CSMD1: variants seen among roughly 807,000 people sequenced by gnomAD.
CSMD1 encodes CUB and Sushi multiple domains 1, also known as CUB and sushi domain-containing protein 1.
CSMD1 carries 213 observed loss-of-function variants against 417.5 expected under a neutral mutation model. That is an observed-to-expected ratio of 0.51 (90% CI 0.46 to 0.57). The LOEUF (loss-of-function observed/expected upper bound fraction) is 0.57, where lower values mean the gene tolerates loss of function less well. CSMD1 is among the 20% of genes least tolerant of loss of function. The pLI, the probability that CSMD1 is intolerant of heterozygous loss-of-function variation, is 0.00. For synonymous variants in CSMD1, 2,862 were observed against 1,736.8 expected, an observed-to-expected ratio of 1.65 and a Z score of -16.11; for missense variants, 6,923 against 4,529.7, an observed-to-expected ratio of 1.53 and a Z score of -15.17.
In CSMD1 at chr8:3,261,397, C is replaced by T. The variant is rs190216768; in HGVS notation, c.4153+22747G>A. Among the ~76,000 whole-genome samples the T allele has an allele frequency of 2.1e-3, 315 of 152,278 alleles. 6 individuals are homozygous for T. Among genetic ancestry groups the T allele is most frequent in the Admixed American group, 0.019 (284 of 15,290 alleles). On this transcript the variant is annotated intron_variant, in intron 26 of 69. Coordinates refer to ENST00000635120, the MANE Select transcript of CSMD1 (RefSeq NM_033225.6). ...ACTTACGTTCCCATGATAAAGATAA[C>T]AAATATGGTGCAGTATATACGGCTT...
chr8:4,563,790 C>G (rs1285470768), intron 2 of CSMD1, among the ~76,000 whole-genome samples: 1 of 152,136 alleles, frequency 6.6e-6, no homozygotes, highest in Non-Finnish European at 1.5e-5. Context: ...CTAAATGTTT[C>G]TGTCCCCAAT....
At chr8:4,088,062 T>C (rs1380784758) in intron 3 of CSMD1, among the ~76,000 whole-genome samples, 2 of 152,088 alleles carry the variant, frequency 1.3e-5, no homozygotes, top group Non-Finnish European at 2.9e-5. Flanking sequence ...CCTTTGACAA[T>C]CACAGTAACA....
chr8:4,185,505 C>A (rs888358994), intron 3 of CSMD1, among the ~76,000 whole-genome samples: 4 of 152,092 alleles, frequency 2.6e-5, no homozygotes, highest in African/African-American at 7.2e-5. Context: ...TCCGAAAACA[C>A]TATTCTGCTA....
chr8:4,161,337 T>A (rs563004920), intron 3 of CSMD1, among the ~76,000 whole-genome samples: 2 of 152,188 alleles, frequency 1.3e-5, no homozygotes, highest in Admixed American at 6.5e-5. Context: ...AGGGCTAAAA[T>A]CCCGGTCTCT....
chr8:3,675,959 C>T (rs990569231), intron 7 of CSMD1, among the ~76,000 whole-genome samples: 3 of 152,096 alleles, frequency 2.0e-5, no homozygotes, highest in Non-Finnish European at 2.9e-5. Context: ...TTTTCTCAGC[C>T]CAGGCCTGCC....
At chr8:4,834,888 C>T (rs1451359301) in intron 1 of CSMD1, among the ~76,000 whole-genome samples, 1 of 131,244 alleles carries the variant, frequency 7.6e-6, no homozygotes, top group African/African-American at 2.9e-5. Context: ...ACCCGGGAGG[C>T]GGAGCTTGCA....
At chr8:4,454,235 C>T (rs970097687) in intron 2 of CSMD1, among the ~76,000 whole-genome samples, 4 of 152,144 alleles carry the variant, frequency 2.6e-5, no homozygotes, top group African/African-American at 9.7e-5. Flanking sequence ...ACACCGCCAC[C>T]CTCCTTACAG....
chr8:3,722,703 G>C (rs1802258484), intron 6 of CSMD1, among the ~76,000 whole-genome samples: 1 of 152,088 alleles, frequency 6.6e-6, no homozygotes, highest in African/African-American at 2.4e-5. Context: ...AATTTTTCTG[G>C]ATTCTAGATT....
intron 5 of CSMD1, among the ~76,000 whole-genome samples, chr8:3,766,228 G>A (rs183366915): frequency 3.9e-5 from 6 of 152,284 alleles, no homozygotes; most frequent in Admixed American, 2.6e-4. Context: ...TTCTTCTGCC[G>A]GATGAGAGAG....
At position 3,644,693 on chromosome 8, in the gene CSMD1, T is replaced by C. The variant is rs554327932; in HGVS notation, c.1010-27896A>G. On this transcript the variant is annotated intron_variant, in intron 7 of 69. Coordinates refer to ENST00000635120, the MANE Select transcript of CSMD1 (RefSeq NM_033225.6). ...GGCTGAAGAAGAGACCCAGAGCCAGTGAATGAGTTACAGGGTTTATTTGTG... is the reference window on the plus strand; with the variant it reads ...GGCTGAAGAAGAGACCCAGAGCCAGCGAATGAGTTACAGGGTTTATTTGTG... Among the ~76,000 whole-genome samples the C allele has an allele frequency of 2.6e-5, 4 of 152,182 alleles. No individual in the cohort carries two copies. The East Asian group carries it at 5.8e-4, about 22-fold the overall frequency.
intron 2 of CSMD1, among the ~76,000 whole-genome samples, chr8:4,514,580 C>T (rs542007407): frequency 6.6e-6 from 1 of 152,242 alleles, no homozygotes; most frequent in Admixed American, 6.5e-5. Flanking sequence ...CTACTGAGAC[C>T]GCTTGACCTA....
At chr8:3,374,483 C>T (rs1469917425) in intron 18 of CSMD1, among the ~76,000 whole-genome samples, 4 of 152,108 alleles carry the variant, frequency 2.6e-5, no homozygotes, top group Admixed American at 6.5e-5. Context: ...CTCCAGATAA[C>T]GAGGTCTGAT....
At chr8:4,389,009 G>C (rs1034818981) in intron 3 of CSMD1, among the ~76,000 whole-genome samples, 2 of 152,112 alleles carry the variant, frequency 1.3e-5, no homozygotes, top group African/African-American at 4.8e-5. Flanking sequence ...GTTCAGGTGT[G>C]ACCTAACCAG....
intron 5 of CSMD1, among the ~76,000 whole-genome samples, chr8:3,845,117 A>G (rs1322759924): frequency 6.6e-6 from 1 of 152,246 alleles, no homozygotes; most frequent in Admixed American, 6.5e-5. Context: ...AGTATCAACT[A>G]TAAGGCAAAT....
chr8:4,196,668 T>C (rs1348927793), intron 3 of CSMD1, among the ~76,000 whole-genome samples: 1 of 152,208 alleles, frequency 6.6e-6, no homozygotes, highest in African/African-American at 2.4e-5. Flanking sequence ...CCCATTCTTC[T>C]GCCTCTTTCT....
At position 3,247,025 on chromosome 8, in the gene CSMD1, A is replaced by G. The variant is rs1292495172; in HGVS notation, c.4154-16794T>C. Among the ~76,000 whole-genome samples the G allele has an allele frequency of 6.6e-5, 10 of 152,166 alleles. No individual in the cohort carries two copies. The East Asian group carries it at 7.7e-4, about 12-fold the overall frequency. The stretch of plus-strand genomic sequence containing the variant: ...CTTTGTGGATGCAAGTGAACCATGT[A>G]TTCATTTTTGTATTGGTGTAAGTGA... On this transcript the variant is annotated intron_variant, in intron 26 of 69. Coordinates refer to ENST00000635120, the MANE Select transcript of CSMD1 (RefSeq NM_033225.6).
rs73490415 is a variant in CSMD1, at chr8:3,057,948, C to T, written c.7475-5301G>A. ...CTCACCAAAACCTTCCCCTACTCTC[C>T]GTAACTTTCCACCGCCTGGCCAGCA... is the stretch of plus-strand genomic sequence containing the variant. On this transcript the variant is annotated intron_variant, in intron 49 of 69. Coordinates refer to ENST00000635120, the MANE Select transcript of CSMD1 (RefSeq NM_033225.6). 9.1e-3 allele frequency among the ~76,000 whole-genome samples: 1,393 copies of T among 152,278 alleles called. 24 individuals carry two copies. Among genetic ancestry groups the T allele is most frequent in the African/African-American group, 0.031 (1,290 of 41,562 alleles).
At chr8:4,690,290 A>C (rs185657321) in intron 1 of CSMD1, among the ~76,000 whole-genome samples, 53 of 152,298 alleles carry the variant, frequency 3.5e-4, no homozygotes, top group Non-Finnish European at 5.9e-4. Context: ...AGGACGACCT[A>C]ACAGTTTAGT....
intron 3 of CSMD1, among the ~76,000 whole-genome samples, chr8:4,309,483 A>T (rs1222282712): frequency 6.6e-6 from 1 of 152,054 alleles, no homozygotes; most frequent in Non-Finnish European, 1.5e-5. Context: ...TATTAAATGC[A>T]TTTTCTCTCA....
Sources: gnomAD v4.1 joint callset for allele counts (sites outside exome capture counted in the v4.1 genomes callset) on GRCh38, gnomAD v4.1.1 for gene constraint, MANE v1.5 for transcripts, NCBI Gene and HGNC (gene_info 2026-07-23, HGNC 2026-07-21) for gene names.